Variants in DENND1B observed in about 807,000 individuals in gnomAD.
DENND1B encodes the protein DENN domain-containing protein 1B.
In DENND1B, 59 loss-of-function variants were observed where a neutral mutation model predicts 90.1. That is an observed-to-expected ratio of 0.65 (90% CI 0.53 to 0.81). The LOEUF is 0.81. Ranked by LOEUF, DENND1B falls within the 40% of genes least tolerant of loss-of-function variation. The pLI, the probability that DENND1B is intolerant of heterozygous loss-of-function variation, is 0.00. For missense variants in DENND1B, 862 were observed against 912.6 expected (o/e 0.94, Z 0.71); for synonymous variants, 337 against 324.6 (o/e 1.04, Z -0.41).
At chr1:197,522,357 C>T (rs572644034) in intron 20 of DENND1B, among the ~76,000 whole-genome samples, 2 of 152,142 alleles carry the variant, frequency 1.3e-5, no homozygotes, top group East Asian at 3.9e-4. Flanking sequence ...AATTACATTC[C>T]TTGAGCAGGT....
intron 3 of DENND1B, among the ~76,000 whole-genome samples, chr1:197,680,137 A>C (rs1398014884): frequency 6.6e-6 from 1 of 152,128 alleles, no homozygotes; most frequent in Non-Finnish European, 1.5e-5. Flanking sequence ...CTCTTAAAAA[A>C]AGTTGTGTCC....
At chr1:197,539,895 C>T in intron 20 of DENND1B, 69 bp downstream of exon 20, 1 of 1,293,356 alleles carries the variant, frequency 7.7e-7, no homozygotes, top group Non-Finnish European at 1.1e-6. Context: ...CCAAATTGTT[C>T]CTAAATAATT....
chr1:197,619,331 G>T (rs1274135657), intron 10 of DENND1B, among the ~76,000 whole-genome samples: 1 of 151,134 alleles, frequency 6.6e-6, no homozygotes, highest in Admixed American at 6.6e-5. Context: ...AACTCATTGT[G>T]TCAAATTCTC....
At position 197,540,003 on chromosome 1, in the gene DENND1B, A is replaced by T. The variant is rs370579306; in HGVS notation, c.1476T>A (p.Asn492Lys). Reference protein sequence around the residue: ...VQYTPVYKLHNEKGGNSEKRK... With the variant: ...VQYTPVYKLHKEKGGNSEKRK... ...GCTTTTCTGAGTTTCCTCCCTTTTC[A>T]TTGTGTAATTTGTAAACTGGTGTAT... Residue 492 changes from asparagine (N) to lysine (K), a missense_variant, in exon 20 of 23, where the codon AAT becomes AAA. By Grantham distance (94) the Asn-to-Lys change is moderately conservative. Transcript: ENST00000620048. The T allele has an allele frequency of 5.0e-6, 8 of 1,613,424 alleles. No individual in the cohort carries two copies. The highest frequency in any genetic ancestry group is 6.8e-6 in the Non-Finnish European group (8 of 1,179,604).
chr1:197,748,078 A>G (rs916330941), intron 2 of DENND1B, among the ~76,000 whole-genome samples: 20 of 152,234 alleles, frequency 1.3e-4, no homozygotes, highest in African/African-American at 4.8e-4. Context: ...CTCTAGACCC[A>G]CCTAAAGATT....
At chr1:197,549,298 A>C (rs1396462610) in intron 16 of DENND1B, among the ~76,000 whole-genome samples, 1 of 152,162 alleles carries the variant, frequency 6.6e-6, no homozygotes, top group African/African-American at 2.4e-5. Context: ...AAATTGTTCA[A>C]CAAGGCCAGA....
chr1:197,778,645 G>A (rs1657355562), upstream of DENND1B, among the ~76,000 whole-genome samples: 1 of 151,540 alleles, frequency 6.6e-6, no homozygotes, highest in South Asian at 2.1e-4. Context: ...CCGCTGCATT[G>A]CAGCCTGGTT....
chr1:197,620,379 T>G (rs955732655), intron 10 of DENND1B, among the ~76,000 whole-genome samples: 2 of 151,322 alleles, frequency 1.3e-5, no homozygotes, highest in African/African-American at 4.8e-5. Flanking sequence ...CCATGTGATC[T>G]CTGGCACATC....
At chr1:197,578,464 C>T (rs1673895432) in intron 15 of DENND1B, among the ~76,000 whole-genome samples, 1 of 151,992 alleles carries the variant, frequency 6.6e-6, no homozygotes, top group African/African-American at 2.4e-5. Flanking sequence ...AGGTTGGTCT[C>T]AAACTCCTGA....
chr1:197,608,749 C>T (rs775234117), intron 12 of DENND1B, among the ~76,000 whole-genome samples: 5 of 150,500 alleles, frequency 3.3e-5, no homozygotes, highest in Non-Finnish European at 6.0e-5. Flanking sequence ...AGGACATTAT[C>T]ACTCAACTCA....
At chr1:197,644,660 A>G (rs1308375020) in intron 9 of DENND1B, among the ~76,000 whole-genome samples, 1 of 152,164 alleles carries the variant, frequency 6.6e-6, no homozygotes, top group African/African-American at 2.4e-5. Flanking sequence ...TCAGGCCCAT[A>G]CGAGCAACTT....
chr1:197,721,323 C>G (rs183362152), intron 2 of DENND1B, among the ~76,000 whole-genome samples: 1 of 152,008 alleles, frequency 6.6e-6, no homozygotes, highest in Non-Finnish European at 1.5e-5. Context: ...CCTGCCTCGG[C>G]CTCCCAAAGT....
intron 3 of DENND1B, among the ~76,000 whole-genome samples, chr1:197,707,131 A>G (rs893689049): frequency 2.0e-5 from 3 of 152,216 alleles, no homozygotes; most frequent in Non-Finnish European, 4.4e-5. Flanking sequence ...GGCTTGGAGG[A>G]TATTATGTTA....
At chr1:197,562,006 C>A (rs1672209186) in intron 15 of DENND1B, among the ~76,000 whole-genome samples, 1 of 151,812 alleles carries the variant, frequency 6.6e-6, no homozygotes, top group Admixed American at 6.6e-5. Context: ...CAGGATACCG[C>A]TGAAGTGACA....
chr1:197,552,646 A>C, intron 16 of DENND1B: 1 of 1,010,630 alleles, frequency 9.9e-7, no homozygotes, highest in Non-Finnish European at 1.2e-6. Context: ...TACCAATCAT[A>C]ACCTCAGTTC....
chr1:197,551,106 C>G (rs1000858850), intron 16 of DENND1B, among the ~76,000 whole-genome samples: 7 of 100,762 alleles, frequency 6.9e-5, no homozygotes, highest in Middle Eastern at 0.011. Context: ...CACACACACA[C>G]ACACACCCCC....
intron 15 of DENND1B, among the ~76,000 whole-genome samples, chr1:197,557,593 T>C (rs973591108): frequency 2.0e-5 from 3 of 152,046 alleles, no homozygotes; most frequent in African/African-American, 4.8e-5. Flanking sequence ...CAGACACCAA[T>C]GTACACAATG....
At chr1:197,771,056 C>T (rs1656532546) in intron 2 of DENND1B, among the ~76,000 whole-genome samples, 1 of 151,416 alleles carries the variant, frequency 6.6e-6, no homozygotes, top group African/African-American at 2.4e-5. Flanking sequence ...GGATCACAGG[C>T]ATAGGCCACC....
intron 5 of DENND1B, among the ~76,000 whole-genome samples, chr1:197,667,202 TGAA>T (rs919586238): frequency 2.0e-5 from 3 of 152,100 alleles, no homozygotes; most frequent in African/African-American, 7.2e-5. Context: ...TAACCACTGT[TGAA>T]GAAGGAGAAA....
Sources: gnomAD v4.1 joint callset for allele counts (sites outside exome capture counted in the v4.1 genomes callset) on GRCh38, gnomAD v4.1.1 for gene constraint, MANE v1.5 for transcripts, NCBI Gene and HGNC (gene_info 2026-07-23, HGNC 2026-07-21) for gene names.